The following ZFHX3 variants were observed in gnomAD, a reference collection of about 807,000 sequenced individuals.
The protein encoded by ZFHX3 is zinc finger homeobox 3.
In ZFHX3, 42 loss-of-function variants were observed where a neutral mutation model predicts 279.1. The observed-to-expected ratio is 0.15, with a 90% CI of 0.12 to 0.19. ZFHX3 has a LOEUF of 0.19. ZFHX3 is among the 10% of genes least tolerant of loss of function. The pLI, the probability that ZFHX3 is intolerant of heterozygous loss-of-function variation, is 1.00. For synonymous variants in ZFHX3, 2,293 were observed against 1,957.8 expected (o/e 1.17, Z -4.52); for missense variants, 4,981 against 4,754.0 (o/e 1.05, Z -1.40).
chr16:73,657,956 A>G (rs1165062649), intron 2 of ZFHX3, among the ~76,000 whole-genome samples: 1 of 152,208 alleles, frequency 6.6e-6, no homozygotes, highest in Admixed American at 6.5e-5. Context: ...TCTTGGGTAT[A>G]TGTTGACGAA....
rs776905002 is a variant in ZFHX3 at position 72,787,152 on chromosome 16, C to T, written c.*12G>A. The T allele has an allele frequency of 7.1e-7, 1 of 1,411,304 alleles. No individual in the cohort carries two copies. The highest frequency in any genetic ancestry group is 2.5e-5 in the Admixed American group (1 of 39,538). The allele number at this position is 1,411,304 out of a possible 1,614,324, so 87.4% of individuals were successfully genotyped here. The stretch of plus-strand genomic sequence containing the variant: ...TTTAAATTCATTTGTTTGTATTGTT[C>T]ATCTTCAAAGCTTACAATCTGAAGG... On this transcript the variant is annotated 3_prime_UTR_variant, in exon 10 of 10. Transcript: ENST00000268489.
intron 2 of ZFHX3, among the ~76,000 whole-genome samples, chr16:73,521,785 T>C (rs758591589): frequency 6.6e-6 from 1 of 152,194 alleles, no homozygotes; most frequent in Admixed American, 6.5e-5. Flanking sequence ...CTTGGAACTC[T>C]GATCAAAATG....
chr16:73,446,531 A>G (rs969289271), intron 3 of ZFHX3, among the ~76,000 whole-genome samples: 3 of 152,196 alleles, frequency 2.0e-5, no homozygotes, highest in Non-Finnish European at 4.4e-5. Flanking sequence ...CCCTCCCCCA[A>G]CACGTGAGGA....
At chr16:73,806,032 T>C (rs1960267307) in intron 1 of ZFHX3, among the ~76,000 whole-genome samples, 1 of 152,184 alleles carries the variant, frequency 6.6e-6, no homozygotes, top group Admixed American at 6.5e-5. Flanking sequence ...AAACTTACAA[T>C]CATGGCGAAA....
chr16:73,879,385 G>A (rs1332403478), intron 1 of ZFHX3, among the ~76,000 whole-genome samples: 2 of 151,668 alleles, frequency 1.3e-5, no homozygotes, highest in African/African-American at 4.8e-5. Flanking sequence ...AGAATCTAAG[G>A]TCCCTTTTAA....
At chr16:73,793,080 T>G (rs911195379) in intron 1 of ZFHX3, among the ~76,000 whole-genome samples, 3 of 152,222 alleles carry the variant, frequency 2.0e-5, no homozygotes, top group Non-Finnish European at 2.9e-5. Context: ...TCAGCTTATA[T>G]GAAAATTAAG....
chr16:73,051,191 T>C (rs1307600793), upstream of ZFHX3, among the ~76,000 whole-genome samples: 1 of 152,250 alleles, frequency 6.6e-6, no homozygotes, highest in Non-Finnish European at 1.5e-5. Context: ...TATTAAATTA[T>C]ACGTATACAT....
At chr16:73,257,119 G>C (rs150413258) in exon 5 of ZFHX3, 88 of 152,218 alleles carry the variant, frequency 5.8e-4, no homozygotes, top group African/African-American at 1.9e-3. Flanking sequence ...ACAACGTCTG[G>C]GTTCCCCAAA....
At chr16:73,880,661 A>C (rs1214712582) in intron 1 of ZFHX3, among the ~76,000 whole-genome samples, 1 of 152,150 alleles carries the variant, frequency 6.6e-6, no homozygotes, top group African/African-American at 2.4e-5. Flanking sequence ...AAATCTCTCA[A>C]GTCTCATCCC....
intron 4 of ZFHX3, among the ~76,000 whole-genome samples, chr16:73,296,728 G>C (rs757914371): frequency 3.9e-5 from 6 of 152,000 alleles, no homozygotes; most frequent in Non-Finnish European, 5.9e-5. Context: ...ATTTGTCTAA[G>C]ACAAATACTA....
At chr16:73,801,742 G>A (rs1451494922) in intron 1 of ZFHX3, among the ~76,000 whole-genome samples, 1 of 152,178 alleles carries the variant, frequency 6.6e-6, no homozygotes, top group Non-Finnish European at 1.5e-5. Context: ...GTGCTGATGG[G>A]TCTACTTGAC....
chr16:73,498,872 C>T (rs1013370785), intron 2 of ZFHX3, among the ~76,000 whole-genome samples: 4 of 152,038 alleles, frequency 2.6e-5, no homozygotes, highest in Non-Finnish European at 4.4e-5. Context: ...AATAGCTGGG[C>T]GGGGCAGGGA....
At chr16:73,888,894 CT>C (rs1212142392) in intron 1 of ZFHX3, among the ~76,000 whole-genome samples, 2 of 150,354 alleles carry the variant, frequency 1.3e-5, no homozygotes, top group Non-Finnish European at 3.0e-5. Context: ...CGCCCGCCCC[CT>C]ACCACCCCCC....
At chr16:72,811,218 G>A (rs1010489400) in intron 7 of ZFHX3, among the ~76,000 whole-genome samples, 3 of 152,172 alleles carry the variant, frequency 2.0e-5, no homozygotes, top group African/African-American at 4.8e-5. Context: ...TTGTTATGAG[G>A]ATGAAATGAG....
At position 73,197,924 on chromosome 16, in the gene ZFHX3, G is replaced by GTTTTTTTTTT. The variant is rs71156148; in HGVS notation, c.-1103-54103_-1103-54094dup. On this transcript the variant is annotated intron_variant, in intron 5 of 17. Transcript: ENST00000641206. ...GATAAGTAGAGTATCTGATTTGGTG[G>GTTTTTTTTTT]TTTTTTTTTTTTTTTTTTTTTTTTT... Among the ~76,000 whole-genome samples the GTTTTTTTTTT allele has an allele frequency of 5.2e-4, 28 of 53,782 alleles. 2 individuals carry two copies. The highest frequency in any genetic ancestry group is 9.9e-4 in the Admixed American group (3 of 3,028). The allele number at this position is 53,782 out of a possible 152,430, so 35.3% of individuals were successfully genotyped here.
chr16:72,896,396 G>A (rs528423278), intron 3 of ZFHX3, among the ~76,000 whole-genome samples: 2 of 152,254 alleles, frequency 1.3e-5, no homozygotes, highest in East Asian at 1.9e-4. Context: ...TTCTAGGTCT[G>A]GCTCACTGAG....
chr16:73,052,437 C>A (rs188221669), upstream of ZFHX3, among the ~76,000 whole-genome samples: 11 of 151,932 alleles, frequency 7.2e-5, no homozygotes, highest in Non-Finnish European at 1.3e-4. Context: ...AAAAGATGAC[C>A]TTTTTCACGC....
chr16:72,942,508 G>A (rs923104287), intron 3 of ZFHX3, among the ~76,000 whole-genome samples: 2 of 152,192 alleles, frequency 1.3e-5, no homozygotes, highest in South Asian at 2.1e-4. Context: ...GGGGGGATTC[G>A]TAAATATTTT....
chr16:72,795,347 T>G lies in ZFHX3; in HGVS notation c.7335A>C (p.Glu2445Asp). The G allele has an allele frequency of 6.2e-7, 1 of 1,614,066 alleles. No homozygotes were observed. Reference sequence around the variant, plus strand: ...GCTCTGGCTTTGGTTGTCCTTGCTTTTCTTGGGTTTGGTTTGGCTGTGCAC... The same window carrying G: ...GCTCTGGCTTTGGTTGTCCTTGCTTGTCTTGGGTTTGGTTTGGCTGTGCAC... ...APSAQPNQTQ[E>D]KQGQPKPELQ... Residue 2445 changes from glutamate to aspartate, a missense_variant, in exon 9 of 10, where the codon GAA becomes GAC. Glu to Asp is a conservative substitution (Grantham distance 45). Transcript: ENST00000268489.
Sources: gnomAD v4.1 joint callset for allele counts (sites outside exome capture counted in the v4.1 genomes callset) on GRCh38, gnomAD v4.1.1 for gene constraint, MANE v1.5 for transcripts, NCBI Gene and HGNC (gene_info 2026-07-23, HGNC 2026-07-21) for gene names.